The following DIXDC1 variants were observed in gnomAD, a reference collection of about 807,000 sequenced individuals.
The protein encoded by DIXDC1 is DIX domain containing 1.
In DIXDC1, 64 loss-of-function variants were observed where a neutral mutation model predicts 103.1. That is an observed-to-expected ratio of 0.62 (90% CI 0.51 to 0.76). DIXDC1 has a LOEUF of 0.76. DIXDC1 is among the 30% of genes least tolerant of loss of function. DIXDC1 has a pLI of 0.00. For missense variants in DIXDC1, 759 were observed against 834.2 expected, an observed-to-expected ratio of 0.91 and a Z score of 1.11; for synonymous variants, 266 against 298.5, an observed-to-expected ratio of 0.89 and a Z score of 1.12.
chr11:111,937,640 C>A (rs889471876), intron 1 of DIXDC1, 81 bp downstream of exon 1: 21 of 1,430,658 alleles, frequency 1.5e-5, no homozygotes, highest in Admixed American at 4.0e-5. Context: ...TCCTCCTCCT[C>A]CTCCATCCTT....
At chr11:111,944,974 C>T (rs1461373423) in intron 1 of DIXDC1, among the ~76,000 whole-genome samples, 1 of 152,158 alleles carries the variant, frequency 6.6e-6, no homozygotes. Flanking sequence ...CTGTCTTGGT[C>T]TTTTTTAAAA....
chr11:111,949,888 C>A lies in DIXDC1; in HGVS notation c.60+12329C>A, dbSNP rs182209686. 9.0e-4 allele frequency among the ~76,000 whole-genome samples: 137 copies of A among 152,332 alleles called. 2 individuals are homozygous for A. Among genetic ancestry groups the A allele is most frequent in the Non-Finnish European group, 1.4e-3 (94 of 68,022 alleles). ...CCTTTTCCTGATTCCTCCAGCCTTC[C>A]ATCCTGTTGCTCCTTCTCTGCATAA... On this transcript the variant is annotated intron_variant, in intron 1 of 19. Transcript: ENST00000440460.
chr11:111,991,755 G>A (rs1860718993), intron 10 of DIXDC1, among the ~76,000 whole-genome samples: 3 of 152,158 alleles, frequency 2.0e-5, no homozygotes, highest in Admixed American at 2.0e-4. Context: ...ATGAATCAAA[G>A]AACAGTTATG....
intron 17 of DIXDC1, among the ~76,000 whole-genome samples, chr11:112,003,229 G>A (rs189252863): frequency 1.3e-5 from 2 of 152,008 alleles, no homozygotes; most frequent in African/African-American, 2.4e-5. Context: ...TAGGCTGGGC[G>A]TGGTGGCTCA....
chr11:111,949,349 T>C (rs1310971481), intron 1 of DIXDC1, among the ~76,000 whole-genome samples: 1 of 152,208 alleles, frequency 6.6e-6, no homozygotes, highest in Non-Finnish European at 1.5e-5. Flanking sequence ...CCAGTGCTTG[T>C]TCTTCATGTC....
chr11:111,953,487 A>C (rs1290035291), intron 1 of DIXDC1, among the ~76,000 whole-genome samples: 1 of 152,102 alleles, frequency 6.6e-6, no homozygotes, highest in Non-Finnish European at 1.5e-5. Context: ...AAATATAAAA[A>C]ATTAGCCAGG....
At chr11:111,955,165 A>G (rs1220728777) in intron 1 of DIXDC1, among the ~76,000 whole-genome samples, 2 of 151,730 alleles carry the variant, frequency 1.3e-5, no homozygotes, top group African/African-American at 4.8e-5. Flanking sequence ...GCAAAACCCC[A>G]TCTCTACAAA....
chr11:111,954,330 T>TCCCA (rs1256178252), intron 1 of DIXDC1, among the ~76,000 whole-genome samples: 2 of 152,072 alleles, frequency 1.3e-5, no homozygotes, highest in African/African-American at 4.8e-5. Flanking sequence ...GAGAATCTAA[T>TCCCA]CCCACCGCTG....
chr11:111,937,400 A>G lies in DIXDC1; in HGVS notation c.-100A>G. The G allele has an allele frequency of 1.3e-6, 2 of 1,503,300 alleles. No individual in the cohort carries two copies. Among genetic ancestry groups the G allele is most frequent in the South Asian group, 2.6e-5 (2 of 77,090 alleles). 93.1% of individuals were successfully genotyped at this position (1,503,300 alleles called of 1,614,324 possible). On this transcript the variant is annotated 5_prime_UTR_variant, in exon 1 of 20. Transcript: ENST00000440460. ...GCATGCGGGACTCCGGAGGGATCCC[A>G]ATGAGCTGAGCCGAGAGCCTTTGTG...
intron 9 of DIXDC1, among the ~76,000 whole-genome samples, chr11:111,987,808 C>T (rs925193932): frequency 5.9e-5 from 9 of 151,900 alleles, no homozygotes; most frequent in South Asian, 2.1e-4. Context: ...TACAGGCGCC[C>T]GCCACCATAC....
intron 2 of DIXDC1, among the ~76,000 whole-genome samples, chr11:111,931,887 C>G (rs782416279): frequency 4.6e-5 from 7 of 152,212 alleles, no homozygotes; most frequent in African/African-American, 1.7e-4. Context: ...AGCTCTGACA[C>G]CTGATCAACT....
At chr11:111,970,599 T>A (rs587628619) in intron 3 of DIXDC1, among the ~76,000 whole-genome samples, 43 of 150,858 alleles carry the variant, frequency 2.9e-4, no homozygotes, top group Admixed American at 2.0e-3. Context: ...GAGGCCGAGG[T>A]TCCAGTGAGC....
At position 111,988,994 on chromosome 11, in the gene DIXDC1, T is replaced by G. The variant is rs1040377527; in HGVS notation, c.1063-11T>G. 6.2e-7 allele frequency: 1 copy of G among 1,609,408 alleles called. No individual in the cohort carries two copies. On this transcript the variant is annotated splice_polypyrimidine_tract_variant and intron_variant, in intron 9 of 19. Transcript: ENST00000440460. Reference sequence around the variant, plus strand: ...ATGTCACCATCTGATCTAACTATATTTGGTTTGCAGAAGGAACTGCTGAAA... The same window carrying G: ...ATGTCACCATCTGATCTAACTATATGTGGTTTGCAGAAGGAACTGCTGAAA...
intron 1 of DIXDC1, among the ~76,000 whole-genome samples, chr11:111,940,489 A>G (rs183654683): frequency 2.2e-4 from 33 of 152,250 alleles, no homozygotes; most frequent in African/African-American, 7.7e-4. Context: ...GTGTTGTCCT[A>G]TGAATGTTGT....
rs761661870 is a variant in DIXDC1, at chr11:111,998,568, G to A, written c.1756+2422G>A. On this transcript the variant is annotated intron_variant, in intron 17 of 19. Coordinates refer to ENST00000440460, the MANE Select transcript of DIXDC1 (RefSeq NM_001037954.4). The surrounding 1 kb of genome is among the most constrained non-coding windows in gnomAD (Gnocchi z 4.1). ...TTTTATTTTTATTTACTTTGAGACA[G>A]AGTCTCGCTCTGTTGCCCAGGCTGG... 6.6e-6 allele frequency among the ~76,000 whole-genome samples: 1 copy of A among 152,240 alleles called. No individual in the cohort carries two copies. Among genetic ancestry groups the A allele is most frequent in the African/African-American group, 2.4e-5 (1 of 41,538 alleles).
Position 112,018,985 on chromosome 11 carries a change from A to T in DIXDC1, c.2001A>T (p.Gly667=). The T allele has an allele frequency of 6.2e-7, 1 of 1,613,044 alleles. No homozygotes were observed. The highest frequency in any genetic ancestry group is 8.5e-7 in the Non-Finnish European group (1 of 1,179,436). Residue 667 remains glycine, a synonymous_variant, in exon 20 of 20, where the codon GGA becomes GGT. Transcript: ENST00000440460. ...TCCATGATGATGATGCCATCCCTGGATGGGAAGGGAAAATTGTAGCTTGGG... is the reference window on the plus strand; with the variant it reads ...TCCATGATGATGATGCCATCCCTGGTTGGGAAGGGAAAATTGTAGCTTGGG... The part of the protein sequence containing the change: ...EIFHDDDAIP[G]WEGKIVAWVE...
intron 1 of DIXDC1, among the ~76,000 whole-genome samples, chr11:111,954,974 A>G (rs1482277370): frequency 2.0e-5 from 3 of 151,952 alleles, no homozygotes; most frequent in Admixed American, 2.0e-4. Context: ...ATGTCAAGAT[A>G]AGTACATATA....
At position 111,974,884 on chromosome 11, in the gene DIXDC1, G is replaced by C. The variant is rs782180602; in HGVS notation, c.557G>C (p.Ser186Thr). The change falls in exon 5 of 20, where the codon AGC becomes ACC. Residue 186 changes from serine to threonine, a missense_variant. By Grantham distance (58) the Ser-to-Thr change is moderately conservative. Transcript: ENST00000440460. ...GGGTCCTTTGACTTTAGGAACAGCA[G>C]CATGGATGAGGAAATTGAGAATCCA... ...DVFRYRQRNS[S>T]MDEEIENPYW... 4.3e-6 allele frequency: 7 copies of C among 1,613,378 alleles called. No homozygotes were observed. The East Asian group carries it at 1.6e-4, about 36-fold the overall frequency.
At chr11:111,937,186 G>A (rs1382366669), upstream of DIXDC1, 6 of 1,020,272 alleles carry the variant, frequency 5.9e-6, no homozygotes, top group East Asian at 4.1e-4. Flanking sequence ...TCGCCAGCCC[G>A]CCTGGCCGTG....
Sources: allele counts gnomAD v4.1 joint callset (sites outside exome capture counted in the v4.1 genomes callset), GRCh38; gene constraint gnomAD v4.1.1; non-coding constraint Gnocchi (gnomAD v3.1); transcripts MANE v1.5; gene names NCBI Gene and HGNC (gene_info 2026-07-23, HGNC 2026-07-21).